Variants in TCF7L2 observed in about 807,000 individuals in gnomAD.
TCF7L2 encodes the protein transcription factor 7 like 2, also known as transcription factor 7-like 2.
A neutral mutation model predicts 77.9 loss-of-function variants in TCF7L2; 23 were observed. The observed-to-expected ratio is 0.30, with a 90% CI of 0.21 to 0.42. The LOEUF (loss-of-function observed/expected upper bound fraction) is 0.42. Ranked by LOEUF, TCF7L2 falls within the 10% of genes least tolerant of loss-of-function variation. The pLI is 1.00. For synonymous variants in TCF7L2, 413 were observed against 340.2 expected, an observed-to-expected ratio of 1.21 and a Z score of -2.36; for missense variants, 654 against 793.1, an observed-to-expected ratio of 0.82 and a Z score of 2.11.
intron 11 of TCF7L2, among the ~76,000 whole-genome samples, chr10:113,157,149 G>A (rs891100209): frequency 1.3e-5 from 2 of 152,054 alleles, no homozygotes; most frequent in Non-Finnish European, 2.9e-5. Context: ...ACAGAGTTTT[G>A]CTCTTGTTGC....
intron 4 of TCF7L2, among the ~76,000 whole-genome samples, chr10:113,034,536 A>G (rs925512884): frequency 6.6e-6 from 1 of 152,228 alleles, no homozygotes; most frequent in Non-Finnish European, 1.5e-5. Context: ...CAGAAGTACA[A>G]CTTTCTGGCA....
chr10:113,096,354 G>A (rs530888778), intron 5 of TCF7L2, among the ~76,000 whole-genome samples: 1 of 152,216 alleles, frequency 6.6e-6, no homozygotes, highest in Admixed American at 6.5e-5. Flanking sequence ...ATTAAGGGCA[G>A]TGATTATTAG....
chr10:113,146,487 C>G (rs2069433616), intron 8 of TCF7L2, among the ~76,000 whole-genome samples: 1 of 152,170 alleles, frequency 6.6e-6, no homozygotes, highest in African/African-American at 2.4e-5. Flanking sequence ...TCTCAAAGCT[C>G]AGACTCTGAT....
chr10:113,059,732 T>G (rs1012424160), intron 5 of TCF7L2, among the ~76,000 whole-genome samples: 1 of 152,096 alleles, frequency 6.6e-6, no homozygotes, highest in Non-Finnish European at 1.5e-5. Flanking sequence ...GAATATTAAC[T>G]GTTTACTGCC....
At chr10:113,111,562 C>G (rs570583158) in intron 5 of TCF7L2, among the ~76,000 whole-genome samples, 6 of 152,166 alleles carry the variant, frequency 3.9e-5, no homozygotes, top group Admixed American at 1.3e-4. Flanking sequence ...GAGGCCAAAG[C>G]AGGAGGATCA....
At chr10:112,951,090 T>C (rs2134186267) in intron 1 of TCF7L2, 117 bp from the exon 2 acceptor site, 1 of 1,312,504 alleles carries the variant, frequency 7.6e-7, no homozygotes, top group South Asian at 1.3e-5. Flanking sequence ...TTGCAAAAAC[T>C]TGTAACCCTG....
At chr10:113,082,953 G>A (rs747897152) in intron 5 of TCF7L2, among the ~76,000 whole-genome samples, 3 of 152,060 alleles carry the variant, frequency 2.0e-5, no homozygotes, top group Non-Finnish European at 2.9e-5. Flanking sequence ...CTGTCTGTGC[G>A]AGGTTAAGGA....
intron 5 of TCF7L2, among the ~76,000 whole-genome samples, chr10:113,060,789 G>C (rs769505867): frequency 6.6e-6 from 1 of 151,984 alleles, no homozygotes; most frequent in Non-Finnish European, 1.5e-5. Context: ...GGAAAGAGGC[G>C]CTGTGTCCCC....
intron 5 of TCF7L2, among the ~76,000 whole-genome samples, chr10:113,130,314 A>C (rs1378690125): frequency 6.6e-6 from 1 of 152,120 alleles, no homozygotes; most frequent in Non-Finnish European, 1.5e-5. Flanking sequence ...AAGGGGTGGT[A>C]CGGTTTGGAA....
intron 5 of TCF7L2, among the ~76,000 whole-genome samples, chr10:113,041,458 C>T (rs1347119976): frequency 1.3e-5 from 2 of 152,156 alleles, no homozygotes; most frequent in East Asian, 3.9e-4. Context: ...AAGTGAATTG[C>T]CCAATGTCAC....
chr10:113,074,367 T>C (rs191804275), intron 5 of TCF7L2, among the ~76,000 whole-genome samples: 2 of 152,184 alleles, frequency 1.3e-5, no homozygotes, highest in Non-Finnish European at 2.9e-5. Flanking sequence ...TGGGCTATTA[T>C]GATTAGCAGA....
At chr10:113,123,741 G>C (rs548028844) in intron 5 of TCF7L2, among the ~76,000 whole-genome samples, 2 of 152,240 alleles carry the variant, frequency 1.3e-5, no homozygotes, top group South Asian at 4.1e-4. Flanking sequence ...TTTAAAAAAG[G>C]AGTGCTAGAG....
At position 113,075,122 on chromosome 10, in the gene TCF7L2, C is replaced by G. The variant is rs570425216; in HGVS notation, c.552+34996C>G. Reference sequence around the variant, plus strand: ...TCTCACCTTAGTCTCCCAAAGCATGCTGGGATTACAGGTATAAGCCACAGT... The same window carrying G: ...TCTCACCTTAGTCTCCCAAAGCATGGTGGGATTACAGGTATAAGCCACAGT... On this transcript the variant is annotated intron_variant, in intron 5 of 13. Coordinates refer to ENST00000627217, the MANE Select transcript of TCF7L2 (RefSeq NM_001146274.2). Among the ~76,000 whole-genome samples, 3 of 152,282 alleles carry G rather than the reference C, an allele frequency of 2.0e-5. No individual in the cohort carries two copies. In the South Asian group the frequency reaches 6.2e-4, roughly 32 times the overall value.
intron 4 of TCF7L2, among the ~76,000 whole-genome samples, chr10:112,982,643 T>G (rs2040691678): frequency 6.6e-6 from 1 of 152,204 alleles, no homozygotes; most frequent in Non-Finnish European, 1.5e-5. Flanking sequence ...TTCTTTGAGA[T>G]GGAGTCTCAC....
chr10:113,045,264 T>A (rs951925516), intron 5 of TCF7L2, among the ~76,000 whole-genome samples: 1 of 152,164 alleles, frequency 6.6e-6, no homozygotes, highest in African/African-American at 2.4e-5. Context: ...TATGCGAGGC[T>A]TGTTCCAGTT....
chr10:113,009,842 G>A (rs1177877599), intron 4 of TCF7L2, among the ~76,000 whole-genome samples: 23 of 152,176 alleles, frequency 1.5e-4, no homozygotes, highest in Non-Finnish European at 1.5e-5. Context: ...GAGAGGTAAG[G>A]GAGAGATGAA....
chr10:113,160,497 G>A, intron 12 of TCF7L2: 1 of 733,444 alleles, frequency 1.4e-6, no homozygotes, highest in East Asian at 3.2e-5. Flanking sequence ...CTTGGTGAGG[G>A]AAGATTATCA....
chr10:113,108,220 C>T (rs1555070486), intron 5 of TCF7L2, among the ~76,000 whole-genome samples: 2 of 152,254 alleles, frequency 1.3e-5, no homozygotes, highest in South Asian at 2.1e-4. Flanking sequence ...ATGTGGACCC[C>T]CCCACCCCAC....
At chr10:113,063,144 G>C (rs899795593) in intron 5 of TCF7L2, among the ~76,000 whole-genome samples, 1 of 152,086 alleles carries the variant, frequency 6.6e-6, no homozygotes, top group Admixed American at 6.5e-5. Context: ...CTCTGCGGGT[G>C]GCCCTCCTAA....
Sources: gnomAD v4.1 joint callset for allele counts (sites outside exome capture counted in the v4.1 genomes callset) on GRCh38, gnomAD v4.1.1 for gene constraint, MANE v1.5 for transcripts, NCBI Gene and HGNC (gene_info 2026-07-23, HGNC 2026-07-21) for gene names.